The following SLMAP variants were observed in gnomAD, a reference collection of about 807,000 sequenced individuals.
The protein encoded by SLMAP is sarcolemmal membrane-associated protein.
SLMAP carries 44 observed loss-of-function variants against 128.8 expected under a neutral mutation model. The ratio of observed to expected loss-of-function variants is 0.34; its 90% CI spans 0.27 to 0.44. The LOEUF is 0.44. Among genes scored for constraint, SLMAP ranks in the 20% least tolerant of loss-of-function variants. SLMAP has a pLI of 1.00. For synonymous variants in SLMAP, 327 were observed against 348.8 expected, an observed-to-expected ratio of 0.94 and a Z score of 0.70; for missense variants, 787 against 985.3, an observed-to-expected ratio of 0.80 and a Z score of 2.69.
At chr3:57,766,015 T>C (rs1457722348) in intron 2 of SLMAP, among the ~76,000 whole-genome samples, 3 of 150,758 alleles carry the variant, frequency 2.0e-5, no homozygotes, top group Non-Finnish European at 3.0e-5. Context: ...TTTTTTTTTT[T>C]TGAGACGGAG....
chr3:57,868,394 A>G (rs893264274), intron 13 of SLMAP, among the ~76,000 whole-genome samples: 1 of 152,038 alleles, frequency 6.6e-6, no homozygotes, highest in African/African-American at 2.4e-5. Context: ...CCTGGGCAAC[A>G]TAGTGAGACC....
intron 2 of SLMAP, chr3:57,800,839 G>C: frequency 6.0e-6 from 1 of 167,516 alleles, no homozygotes; most frequent in South Asian, 1.3e-4. Flanking sequence ...TATATTGTAG[G>C]CCTCAAATAT....
chr3:57,765,469 G>C (rs541493676), intron 2 of SLMAP, among the ~76,000 whole-genome samples: 15 of 152,114 alleles, frequency 9.9e-5, no homozygotes, highest in Non-Finnish European at 1.9e-4. Context: ...GGAAGAAGCA[G>C]GGATGATACG....
chr3:57,906,300 C>CTTTTTTTTCTTTTTCTTTTTTTTTTT (rs2096541411), intron 17 of SLMAP, among the ~76,000 whole-genome samples: 1 of 71,290 alleles, frequency 1.4e-5, no homozygotes, highest in African/African-American at 4.8e-5. Flanking sequence ...AAATTTTTTT[C>CTTTTTTTTCTTTTTCTTTTTTTTTTT]TTTTTTTTTC....
intron 6 of SLMAP, 88 bp from the exon 7 acceptor site, chr3:57,857,645 A>G (rs2094859057): frequency 1.1e-6 from 1 of 884,652 alleles, no homozygotes; most frequent in Non-Finnish European, 1.8e-6. Flanking sequence ...GTAATATGAA[A>G]ATATTTTAGA....
At chr3:57,888,442 C>A (rs1269082961) in intron 14 of SLMAP, among the ~76,000 whole-genome samples, 2 of 151,710 alleles carry the variant, frequency 1.3e-5, no homozygotes, top group African/African-American at 4.8e-5. Flanking sequence ...CATGGTGAAA[C>A]CCCGTCTCTA....
At chr3:57,871,590 A>G (rs1457019602) in intron 13 of SLMAP, 46 bp from the exon 14 acceptor site, 1 of 1,494,782 alleles carries the variant, frequency 6.7e-7, no homozygotes, top group South Asian at 1.1e-5. Flanking sequence ...TGGTTTTCAA[A>G]GACAGCAACA....
Position 57,850,018 on chromosome 3 carries a change from T to A in SLMAP, c.519+202T>A, listed in dbSNP as rs78148182. 0.055 allele frequency among the ~76,000 whole-genome samples: 8,308 copies of A among 151,934 alleles called. 321 individuals are homozygous for A. The highest frequency in any genetic ancestry group is 0.08 in the Non-Finnish European group (5,427 of 67,938). On this transcript the variant is annotated intron_variant, in intron 6 of 24. Transcript: ENST00000671191. The stretch of plus-strand genomic sequence containing the variant: ...GTGAGACCCCTTTAATTTAAAAAAA[T>A]TTTTTTAATTAACCAGGTGTGATGG...
intron 15 of SLMAP, among the ~76,000 whole-genome samples, chr3:57,895,484 A>C (rs1013790438): frequency 2.0e-5 from 3 of 151,926 alleles, no homozygotes; most frequent in Admixed American, 6.6e-5. Flanking sequence ...ACAGGTGCCC[A>C]GCACCATGCC....
At chr3:57,896,982 C>T (rs989272210) in intron 17 of SLMAP, 50 bp downstream of exon 17, 2 of 1,609,484 alleles carry the variant, frequency 1.2e-6, no homozygotes, top group Non-Finnish European at 8.5e-7. Context: ...TCAAATCACC[C>T]TTTGCCATAA....
At chr3:57,909,959 A>G (rs1262179639) in intron 19 of SLMAP, among the ~76,000 whole-genome samples, 1 of 149,750 alleles carries the variant, frequency 6.7e-6, no homozygotes, top group Non-Finnish European at 1.5e-5. Context: ...ATTGTCCAGT[A>G]CTCTCGTATT....
intron 22 of SLMAP, chr3:57,917,787 C>G (rs1213025035): frequency 3.3e-5 from 5 of 152,292 alleles, no homozygotes; most frequent in African/African-American, 1.2e-4. Flanking sequence ...TCATACCACT[C>G]CCTGCATTGA....
rs4681656 is a variant in SLMAP at position 57,912,084 on chromosome 3, T to A, written c.1700-297T>A. ...AACAGAAGGATAGGGAACACTGCAT[T>A]TATTGTGATCACTCCCTATTTAATG... On this transcript the variant is annotated intron_variant, in intron 19 of 24. Transcript: ENST00000671191. 1 allele frequency among the ~76,000 whole-genome samples: 152,194 copies of A among 152,306 alleles called. 76,041 individuals carry two copies. Among genetic ancestry groups the A allele is most frequent in the Non-Finnish European group, 1 (68,038 of 68,038 alleles).
intron 2 of SLMAP, among the ~76,000 whole-genome samples, chr3:57,768,345 A>G (rs1459160456): frequency 6.6e-6 from 1 of 152,198 alleles, no homozygotes; most frequent in Non-Finnish European, 1.5e-5. Context: ...AGCTGAGCCA[A>G]GCAGAAAGGA....
intron 2 of SLMAP, among the ~76,000 whole-genome samples, chr3:57,802,278 G>T (rs1210420573): frequency 1.3e-5 from 2 of 150,340 alleles, no homozygotes; most frequent in East Asian, 3.9e-4. Flanking sequence ...TGCTCTTTGT[G>T]TGCTTTTTTT....
chr3:57,844,350 G>A (rs114569554), intron 4 of SLMAP, among the ~76,000 whole-genome samples: 1,926 of 151,732 alleles, frequency 0.013, 28 homozygotes, highest in African/African-American at 0.044. Flanking sequence ...GCCAAAATCA[G>A]ACCACTTCAC....
chr3:57,919,067 C>T (rs555194937), intron 22 of SLMAP, among the ~76,000 whole-genome samples: 1 of 152,206 alleles, frequency 6.6e-6, no homozygotes, highest in Admixed American at 6.5e-5. Context: ...GAATATTTAA[C>T]AAAGAAAAAG....
intron 6 of SLMAP, among the ~76,000 whole-genome samples, chr3:57,853,954 A>AATT (rs1301050730): frequency 3.4e-3 from 138 of 40,580 alleles, no homozygotes; most frequent in African/African-American, 0.011. Flanking sequence ...AAAAAAAAAA[A>AATT]TTATATATAT....
Position 57,871,615 on chromosome 3 carries a change from A to G in SLMAP, c.1238-21A>G. The G allele has an allele frequency of 1.9e-6, 3 of 1,597,564 alleles. No homozygotes were observed. In the South Asian group the frequency reaches 3.3e-5, roughly 18 times the overall value. ...AGACAGCAACAAACTATATCCTTAA[A>G]GGTGTTTCTTTCTTTATTAGAGCAC... is the stretch of plus-strand genomic sequence containing the variant. On this transcript the variant is annotated intron_variant, in intron 13 of 24. Coordinates refer to ENST00000671191, the MANE Select transcript of SLMAP (RefSeq NM_001377540.1).
Sources: allele counts gnomAD v4.1 joint callset (sites outside exome capture counted in the v4.1 genomes callset), GRCh38; gene constraint gnomAD v4.1.1; transcripts MANE v1.5; gene names NCBI Gene and HGNC (gene_info 2026-07-23, HGNC 2026-07-21).